The following CHST11 variants were observed in gnomAD, a reference collection of about 807,000 sequenced individuals.
CHST11 encodes the protein C4S-1.
A neutral mutation model predicts 30.4 loss-of-function variants in CHST11; 9 were observed. That is an observed-to-expected ratio of 0.30 (90% CI 0.18 to 0.52). The LOEUF is 0.52. Among genes scored for constraint, CHST11 ranks in the 20% least tolerant of loss-of-function variants. The probability of loss-of-function intolerance (pLI) is 0.97; values close to 1 mark genes in which losing one functional copy is unlikely to be tolerated. For missense variants in CHST11, 348 were observed against 460.6 expected, an observed-to-expected ratio of 0.76 and a Z score of 2.24; for synonymous variants, 152 against 187.8, an observed-to-expected ratio of 0.81 and a Z score of 1.56.
rs1292935265 is a variant in CHST11, at chr12:104,461,094, C to G, written c.118+3565C>G. On this transcript the variant is annotated intron_variant, in intron 1 of 2. Transcript: ENST00000303694. The stretch of plus-strand genomic sequence containing the variant: ...TGCCAAGAATGCCTGGTCAATAACT[C>G]TGGCTCTGTCTGGTGGGGAAACTTC... 7.9e-5 allele frequency among the ~76,000 whole-genome samples: 12 copies of G among 152,178 alleles called. No individual in the cohort carries two copies. The East Asian group carries it at 2.3e-3, about 29-fold the overall frequency.
chr12:104,681,268 A>G (rs765773084), intron 2 of CHST11, among the ~76,000 whole-genome samples: 2 of 152,362 alleles, frequency 1.3e-5, no homozygotes, highest in East Asian at 3.9e-4. Context: ...ATAAAAAGGA[A>G]TGCAGTACTG....
At chr12:104,728,630 C>T in intron 2 of CHST11, among the ~76,000 whole-genome samples, 1 of 152,112 alleles carries the variant, frequency 6.6e-6, no homozygotes, top group Non-Finnish European at 1.5e-5. Context: ...TGCTCTTGTC[C>T]CACTGGTTTG....
intron 1 of CHST11, among the ~76,000 whole-genome samples, chr12:104,516,391 G>GT (rs1565971246): frequency 6.6e-6 from 1 of 152,134 alleles, no homozygotes; most frequent in Non-Finnish European, 1.5e-5. Flanking sequence ...AGATCCTTGT[G>GT]TTAAAATACA....
chr12:104,494,114 A>G (rs563986246), intron 1 of CHST11, among the ~76,000 whole-genome samples: 1 of 152,258 alleles, frequency 6.6e-6, no homozygotes, highest in African/African-American at 2.4e-5. Context: ...GCCTAACAAG[A>G]TGTCTGTATG....
At chr12:104,482,702 C>T (rs568214401) in intron 1 of CHST11, among the ~76,000 whole-genome samples, 6 of 152,120 alleles carry the variant, frequency 3.9e-5, no homozygotes, top group South Asian at 2.1e-4. Context: ...ATTCTCACAA[C>T]GGCCTCATAA....
chr12:104,506,008 C>T (rs2037900904), intron 1 of CHST11, among the ~76,000 whole-genome samples: 1 of 152,154 alleles, frequency 6.6e-6, no homozygotes, highest in South Asian at 2.1e-4. Flanking sequence ...AAAATCAACT[C>T]CAAGAGAAAC....
At chr12:104,534,775 G>A (rs1204603333) in intron 1 of CHST11, among the ~76,000 whole-genome samples, 1 of 152,136 alleles carries the variant, frequency 6.6e-6, no homozygotes, top group Non-Finnish European at 1.5e-5. Context: ...CTGATTTCTT[G>A]GGAGCTTTTG....
Position 104,676,811 on chromosome 12 carries a change from T to C in CHST11, c.204+74820T>C, listed in dbSNP as rs1253783077. On this transcript the variant is annotated intron_variant, in intron 2 of 2. Coordinates refer to ENST00000303694, the MANE Select transcript of CHST11 (RefSeq NM_018413.6). This position sits in a 1 kb window ranked among gnomAD's most constrained non-coding sequence, Gnocchi z 4.4. ...GCAGCTGCAAATTCTCCTTTTGCCA[T>C]GGAAGGTCACATTCACAGGTTCCAG... 1.3e-5 allele frequency among the ~76,000 whole-genome samples: 2 copies of C among 152,182 alleles called. No homozygotes were observed. The highest frequency in any genetic ancestry group is 1.9e-4 in the East Asian group (1 of 5,186).
intron 1 of CHST11, among the ~76,000 whole-genome samples, chr12:104,592,539 C>T (rs1256228803): frequency 6.6e-6 from 1 of 152,096 alleles, no homozygotes; most frequent in Non-Finnish European, 1.5e-5. Context: ...TCCAAAGTCC[C>T]CACCCTCTAA....
chr12:104,507,991 A>G (rs2037923398), intron 1 of CHST11, among the ~76,000 whole-genome samples: 1 of 152,270 alleles, frequency 6.6e-6, no homozygotes, highest in East Asian at 1.9e-4. Context: ...GCAATCTACC[A>G]TGAGTACTAA....
chr12:104,622,430 C>T (rs1418282201), intron 2 of CHST11, among the ~76,000 whole-genome samples: 2 of 152,148 alleles, frequency 1.3e-5, no homozygotes. Context: ...ATAATTCTTA[C>T]AGTATTCTCA....
intron 2 of CHST11, among the ~76,000 whole-genome samples, chr12:104,679,894 C>T (rs700631): frequency 0.6 from 90,470 of 151,938 alleles, 27,098 homozygotes; most frequent in Non-Finnish European, 0.64. Context: ...GAGGAAGAGG[C>T]CTCCCCACAA....
chr12:104,682,812 G>A (rs567626515), intron 2 of CHST11, among the ~76,000 whole-genome samples: 5 of 152,304 alleles, frequency 3.3e-5, no homozygotes, highest in South Asian at 2.1e-4. Context: ...AGCATAGCCC[G>A]GCAGAAAGCA....
At chr12:104,529,371 T>A (rs2038158768) in intron 1 of CHST11, among the ~76,000 whole-genome samples, 1 of 152,234 alleles carries the variant, frequency 6.6e-6, no homozygotes, top group Non-Finnish European at 1.5e-5. Flanking sequence ...CTCAGACAAG[T>A]GGCTTGACTC....
At chr12:104,625,325 A>G (rs1374673197) in intron 2 of CHST11, among the ~76,000 whole-genome samples, 1 of 152,060 alleles carries the variant, frequency 6.6e-6, no homozygotes, top group Admixed American at 6.6e-5. Context: ...TTTTTCTGAG[A>G]CGGAGTTTCG....
At chr12:104,700,425 A>C (rs1012080443) in intron 2 of CHST11, among the ~76,000 whole-genome samples, 4 of 152,226 alleles carry the variant, frequency 2.6e-5, no homozygotes, top group Non-Finnish European at 5.9e-5. Context: ...TGAAAATTAC[A>C]TATTTACTAT....
At chr12:104,752,615 C>A (rs2040442677) in intron 2 of CHST11, among the ~76,000 whole-genome samples, 1 of 152,206 alleles carries the variant, frequency 6.6e-6, no homozygotes, top group Admixed American at 6.5e-5. Context: ...GCAACCTCCG[C>A]CTCCTGAGTT....
chr12:104,480,773 A>G (rs1327030861), intron 1 of CHST11, among the ~76,000 whole-genome samples: 1 of 152,124 alleles, frequency 6.6e-6, no homozygotes, highest in African/African-American at 2.4e-5. Context: ...TGGAAGAAAC[A>G]AGAAAGGATC....
chr12:104,755,455 C>T (rs1315876444), intron 2 of CHST11, among the ~76,000 whole-genome samples: 1 of 152,090 alleles, frequency 6.6e-6, no homozygotes, highest in African/African-American at 2.4e-5. Flanking sequence ...GGTTATTCCA[C>T]TTGTGTGGCA....
Sources: gnomAD v4.1 joint callset for allele counts (sites outside exome capture counted in the v4.1 genomes callset) on GRCh38, gnomAD v4.1.1 for gene constraint, Gnocchi (gnomAD v3.1) non-coding constraint, MANE v1.5 for transcripts, NCBI Gene and HGNC (gene_info 2026-07-23, HGNC 2026-07-21) for gene names.